GALK2: variants seen among roughly 807,000 people sequenced by gnomAD.
GALK2 encodes N-acetylgalactosamine kinase.
GALK2 carries 36 observed loss-of-function variants against 52.4 expected under a neutral mutation model. The observed-to-expected ratio is 0.69, with a 90% CI of 0.53 to 0.91. The LOEUF (loss-of-function observed/expected upper bound fraction) is 0.91, where lower values mean the gene tolerates loss of function less well. Among genes scored for constraint, GALK2 ranks in the 40% least tolerant of loss-of-function variants. The probability of loss-of-function intolerance (pLI) is 0.00; values close to 1 mark genes in which losing one functional copy is unlikely to be tolerated. For missense variants in GALK2, 579 were observed against 559.1 expected (o/e 1.04, Z -0.36); for synonymous variants, 176 against 199.1 (o/e 0.88, Z 0.98).
At chr15:49,166,117 C>G (rs577934325), upstream of GALK2, among the ~76,000 whole-genome samples, 14 of 152,094 alleles carry the variant, frequency 9.2e-5, no homozygotes, top group South Asian at 2.5e-3. Flanking sequence ...TAAAAACTTT[C>G]AAGTGACGCT....
intron 5 of GALK2, among the ~76,000 whole-genome samples, chr15:49,246,446 T>G (rs1398903940): frequency 6.6e-6 from 1 of 152,048 alleles, no homozygotes; most frequent in African/African-American, 2.4e-5. Context: ...AAAACCCACT[T>G]TGGAGGATCT....
At chr15:49,230,517 A>G (rs575403798) in intron 3 of GALK2, among the ~76,000 whole-genome samples, 56 of 152,228 alleles carry the variant, frequency 3.7e-4, no homozygotes, top group African/African-American at 1.3e-3. Context: ...TACATGATCT[A>G]TTCTAACTAT....
At chr15:49,262,214 G>A (rs2092146304) in intron 5 of GALK2, among the ~76,000 whole-genome samples, 2 of 151,998 alleles carry the variant, frequency 1.3e-5, no homozygotes, top group South Asian at 2.1e-4. Flanking sequence ...CTTTTTGGTT[G>A]GTAAGCTATT....
intron 1 of GALK2, among the ~76,000 whole-genome samples, chr15:49,186,234 A>G (rs1483031003): frequency 6.6e-6 from 1 of 152,182 alleles, no homozygotes; most frequent in Non-Finnish European, 1.5e-5. Flanking sequence ...TTTTCAGGCC[A>G]ATAAATCTTA....
Position 49,299,208 on chromosome 15 carries a change from T to G in GALK2, c.967+6671T>G, listed in dbSNP as rs558869200. ...TCCACAATAGTGTCTGAGGGTTTTT[T>G]GTATTTCTCTGAGGTCAGTGGTGAT... On this transcript the variant is annotated intron_variant, in intron 8 of 9. Transcript: ENST00000560031. 2.0e-5 allele frequency among the ~76,000 whole-genome samples: 3 copies of G among 152,306 alleles called. No individual in the cohort carries two copies. The South Asian group carries it at 6.2e-4, about 32-fold the overall frequency.
chr15:49,239,084 A>G (rs1046045732), intron 4 of GALK2, 137 bp from the exon 5 acceptor site: 54 of 665,052 alleles, frequency 8.1e-5, no homozygotes, highest in Admixed American at 1.1e-4. Flanking sequence ...TCTCAACTAA[A>G]TTGAATTGCA....
intron 2 of GALK2, among the ~76,000 whole-genome samples, chr15:49,210,239 T>C (rs1466135421): frequency 1.5e-4 from 23 of 151,988 alleles, no homozygotes; most frequent in Admixed American, 1.4e-3. Context: ...TCAGTCTAGC[T>C]AAAGATTTGC....
chr15:49,183,964 AAATAACTATTAT>A (rs1330377803), intron 1 of GALK2, among the ~76,000 whole-genome samples: 1 of 152,126 alleles, frequency 6.6e-6, no homozygotes, highest in East Asian at 1.9e-4. Flanking sequence ...AATGTTCTGT[AAATAACTATTAT>A]TAGGTCCATT....
At chr15:49,324,761 A>C (rs1288200697) in intron 9 of GALK2, among the ~76,000 whole-genome samples, 3 of 152,080 alleles carry the variant, frequency 2.0e-5, no homozygotes, top group Non-Finnish European at 2.9e-5. Context: ...CTGACTGCTT[A>C]TATTATATAT....
chr15:49,262,599 G>C (rs1181598502), intron 5 of GALK2, among the ~76,000 whole-genome samples: 1 of 151,734 alleles, frequency 6.6e-6, no homozygotes. Context: ...GTTATTTCTT[G>C]CCCTCTGCTA....
At chr15:49,259,235 T>C (rs934144775) in intron 5 of GALK2, among the ~76,000 whole-genome samples, 10 of 151,724 alleles carry the variant, frequency 6.6e-5, no homozygotes, top group Non-Finnish European at 1.5e-4. Flanking sequence ...ATGTGCACAA[T>C]GTGCAGGTTA....
chr15:49,235,808 A>G (rs371437389), intron 3 of GALK2, 43 bp from the exon 4 acceptor site: 3 of 1,331,154 alleles, frequency 2.3e-6, no homozygotes, highest in African/African-American at 1.4e-5. Context: ...TTGCAGCTCA[A>G]GGCCTACAGA....
At chr15:49,185,887 G>A (rs758278957) in intron 1 of GALK2, among the ~76,000 whole-genome samples, 36 of 152,024 alleles carry the variant, frequency 2.4e-4, no homozygotes, top group Admixed American at 1.6e-3. Context: ...CTATTCTAGG[G>A]TAAACATTTT....
At chr15:49,326,046 C>T (rs1471907004) in intron 9 of GALK2, among the ~76,000 whole-genome samples, 1 of 151,936 alleles carries the variant, frequency 6.6e-6, no homozygotes, top group Non-Finnish European at 1.5e-5. Flanking sequence ...GATTGAGGAC[C>T]CTTAAAGACT....
chr15:49,351,105 C>G (rs763676408), intron 3 of GALK2, among the ~76,000 whole-genome samples: 9 of 152,162 alleles, frequency 5.9e-5, no homozygotes, highest in Admixed American at 6.5e-5. Flanking sequence ...ATAAACTATC[C>G]ATTGTGTAGA....
intron 1 of GALK2, among the ~76,000 whole-genome samples, chr15:49,184,118 A>T (rs180747805): frequency 6.6e-6 from 1 of 152,080 alleles, no homozygotes; most frequent in South Asian, 2.1e-4. Context: ...TTTAGCTCTG[A>T]TAATATTTGT....
intron 5 of GALK2, among the ~76,000 whole-genome samples, chr15:49,268,924 C>T (rs2029906536): frequency 6.6e-6 from 1 of 152,114 alleles, no homozygotes; most frequent in South Asian, 2.1e-4. Context: ...ATATTTACAT[C>T]CAAGATAGTG....
At chr15:49,214,593 T>C (rs2089229454) in intron 2 of GALK2, among the ~76,000 whole-genome samples, 2 of 151,582 alleles carry the variant, frequency 1.3e-5, no homozygotes, top group Admixed American at 1.3e-4. Context: ...TCCTGCCTTG[T>C]CCTCCCAAAG....
Position 49,331,846 on chromosome 15 carries a change from G to C in GALK2, c.*3687G>C. On this transcript the variant is annotated 3_prime_UTR_variant, in exon 10 of 10. Coordinates refer to ENST00000560031, the MANE Select transcript of GALK2 (RefSeq NM_002044.4). ...GAGGTTTCTTGGTAGCCTTTGCTTG[G>C]AGTCTAATCATGGAATAAAGAAAAT... 1 of 1,603,618 alleles carries C rather than the reference G, an allele frequency of 6.2e-7. No homozygotes were observed. The highest frequency in any genetic ancestry group is 1.1e-5 in the South Asian group (1 of 90,828).
Sources: gnomAD v4.1 joint callset for allele counts (sites outside exome capture counted in the v4.1 genomes callset) on GRCh38, gnomAD v4.1.1 for gene constraint, MANE v1.5 for transcripts, NCBI Gene and HGNC (gene_info 2026-07-23, HGNC 2026-07-21) for gene names.